The following UBL3 variants were observed in gnomAD, a reference collection of about 807,000 sequenced individuals.
UBL3 encodes ubiquitin-like protein 3.
In UBL3, 6 loss-of-function variants were observed where a neutral mutation model predicts 18.4. That is an observed-to-expected ratio of 0.33 (90% CI 0.18 to 0.64). The LOEUF (loss-of-function observed/expected upper bound fraction) is 0.64. Ranked by LOEUF, UBL3 falls within the 30% of genes least tolerant of loss-of-function variation. The probability of loss-of-function intolerance (pLI) is 0.76; values close to 1 mark genes in which losing one functional copy is unlikely to be tolerated. For synonymous variants in UBL3, 49 were observed against 46.6 expected, an observed-to-expected ratio of 1.05 and a Z score of -0.21; for missense variants, 109 against 142.9, an observed-to-expected ratio of 0.76 and a Z score of 1.21.
intron 1 of UBL3, among the ~76,000 whole-genome samples, chr13:29,790,590 G>A (rs577604339): frequency 3.3e-4 from 50 of 152,238 alleles, no homozygotes; most frequent in African/African-American, 1.1e-3. Context: ...GGAGAAAGGG[G>A]TTCTGACGTC....
rs993080564 is a variant in UBL3 at position 29,849,784 on chromosome 13, CCGTCGT to C, written c.-252_-247del. 2.7e-5 allele frequency: 16 copies of C among 590,672 alleles called. No homozygotes were observed. Among genetic ancestry groups the C allele is most frequent in the South Asian group, 6.1e-5 (3 of 49,308 alleles). The allele number at this position is 590,672 out of a possible 1,614,324, so 36.6% of individuals were successfully genotyped here. ...ACTCCCGGGACAGCAGAGGCAGCCC[CCGTCGT>C]CGTCGTCGTCGTCAACAGCAGCAGC... On this transcript the variant is annotated 5_prime_UTR_variant, in exon 1 of 5. Transcript: ENST00000380680.
At chr13:29,825,199 T>C (rs1409669331) in intron 1 of UBL3, among the ~76,000 whole-genome samples, 1 of 152,238 alleles carries the variant, frequency 6.6e-6, no homozygotes. Context: ...GGCTCTTTTT[T>C]GGTTCCATAT....
intron 1 of UBL3, among the ~76,000 whole-genome samples, chr13:29,778,196 A>G (rs1342053872): frequency 2.0e-5 from 3 of 152,236 alleles, no homozygotes; most frequent in East Asian, 3.8e-4. Flanking sequence ...GACAAAGGAT[A>G]TAAATTCAAC....
chr13:29,834,473 G>A (rs1258417060), intron 1 of UBL3, among the ~76,000 whole-genome samples: 2 of 151,982 alleles, frequency 1.3e-5, no homozygotes, highest in Non-Finnish European at 2.9e-5. Flanking sequence ...ATAATTGATA[G>A]CCACATAGCA....
intron 1 of UBL3, among the ~76,000 whole-genome samples, chr13:29,841,775 G>A (rs1446117323): frequency 2.0e-5 from 3 of 152,086 alleles, no homozygotes; most frequent in Admixed American, 6.5e-5. Flanking sequence ...CTTCTTCCTC[G>A]CTATGTGATC....
At chr13:29,799,456 A>G (rs1261311027) in intron 1 of UBL3, among the ~76,000 whole-genome samples, 1 of 152,216 alleles carries the variant, frequency 6.6e-6, no homozygotes, top group Non-Finnish European at 1.5e-5. Flanking sequence ...AATAAGACTA[A>G]CTGAAGATGT....
intron 1 of UBL3, among the ~76,000 whole-genome samples, chr13:29,789,891 A>G (rs1385444269): frequency 1.3e-5 from 2 of 152,208 alleles, no homozygotes; most frequent in African/African-American, 4.8e-5. Flanking sequence ...ACTATCAATT[A>G]AATATTTGTA....
intron 1 of UBL3, among the ~76,000 whole-genome samples, chr13:29,833,965 A>C (rs1039040479): frequency 7.9e-5 from 12 of 152,150 alleles, no homozygotes; most frequent in Admixed American, 3.9e-4. Flanking sequence ...CAGCGGGCAG[A>C]TCACGAGGTC....
chr13:29,842,134 C>CTTTTTTTTTTTTTT (rs201006689), intron 1 of UBL3, among the ~76,000 whole-genome samples: 1 of 128,030 alleles, frequency 7.8e-6, no homozygotes, highest in African/African-American at 3.4e-5. Context: ...CATTCTCTTT[C>CTTTTTTTTTTTTTT]TTTTTTTTTT....
chr13:29,788,238 A>G (rs1421122719), intron 1 of UBL3, among the ~76,000 whole-genome samples: 1 of 152,162 alleles, frequency 6.6e-6, no homozygotes, highest in Non-Finnish European at 1.5e-5. Flanking sequence ...GCCTTCCACA[A>G]TATCCCCTTT....
At chr13:29,840,283 C>G (rs962781585) in intron 1 of UBL3, among the ~76,000 whole-genome samples, 2 of 152,086 alleles carry the variant, frequency 1.3e-5, no homozygotes, top group Non-Finnish European at 2.9e-5. Context: ...AAAAGCAAAA[C>G]TTGTCAAAAT....
chr13:29,770,392 A>G (rs745514086), intron 3 of UBL3, among the ~76,000 whole-genome samples: 46 of 152,138 alleles, frequency 3.0e-4, no homozygotes, highest in African/African-American at 1.0e-3. Flanking sequence ...TAATAATTAC[A>G]TAAGTCAATC....
At chr13:29,805,889 C>T (rs543787140) in intron 1 of UBL3, among the ~76,000 whole-genome samples, 3 of 152,088 alleles carry the variant, frequency 2.0e-5, no homozygotes, top group South Asian at 2.1e-4. Flanking sequence ...CAAAGTAGTA[C>T]CTTGTGGCCG....
At chr13:29,841,712 G>C (rs762917099) in intron 1 of UBL3, among the ~76,000 whole-genome samples, 4 of 152,162 alleles carry the variant, frequency 2.6e-5, no homozygotes, top group Non-Finnish European at 5.9e-5. Context: ...GTGGGGAGGG[G>C]TGTAGATGTT....
intron 1 of UBL3, among the ~76,000 whole-genome samples, chr13:29,817,048 C>T (rs538358046): frequency 2.6e-5 from 4 of 152,240 alleles, no homozygotes; most frequent in Non-Finnish European, 4.4e-5. Context: ...GCTGCCATGC[C>T]GTTTCCTCAT....
chr13:29,776,070 A>G (rs1876980061), intron 2 of UBL3, among the ~76,000 whole-genome samples: 1 of 152,202 alleles, frequency 6.6e-6, no homozygotes, highest in Non-Finnish European at 1.5e-5. Flanking sequence ...AAGAACTGAC[A>G]TGAATTAGAA....
Position 29,767,668 on chromosome 13 carries a change from G to C in UBL3, c.251C>G (p.Thr84Arg). ...CTCTCTGGCCACCAAATGCATCACT[G>C]TTGTTTTGCCAAAAGGAAGTTTTAA... The part of the protein sequence containing the change: ...GALKLPFGKT[T>R]VMHLVARETL... The change falls in exon 4 of 5, where the codon ACA becomes AGA. Residue 84 changes from threonine (T) to arginine (R), a missense_variant. By Grantham distance (71) the Thr-to-Arg change is moderately conservative. Transcript: ENST00000380680. 1 of 1,612,892 alleles carries C rather than the reference G, an allele frequency of 6.2e-7. No homozygotes were observed. Among genetic ancestry groups the C allele is most frequent in the Non-Finnish European group, 8.5e-7 (1 of 1,179,154 alleles).
chr13:29,770,561 T>C (rs1876815007), intron 3 of UBL3, among the ~76,000 whole-genome samples: 1 of 151,692 alleles, frequency 6.6e-6, no homozygotes, highest in Admixed American at 6.6e-5. Context: ...AGGAATGGAG[T>C]TGGTGGGAAA....
intron 3 of UBL3, 76 bp downstream of exon 3, chr13:29,772,036 G>T (rs1007907846): frequency 1.1e-5 from 14 of 1,275,984 alleles, no homozygotes; most frequent in Non-Finnish European, 1.5e-5. Flanking sequence ...CAAATTCAAA[G>T]ACATTAACAT....
Sources: gnomAD v4.1 joint callset for allele counts (sites outside exome capture counted in the v4.1 genomes callset) on GRCh38, gnomAD v4.1.1 for gene constraint, MANE v1.5 for transcripts, NCBI Gene and HGNC (gene_info 2026-07-23, HGNC 2026-07-21) for gene names.